Variants in TBC1D19 observed in about 807,000 individuals in gnomAD.
The protein encoded by TBC1D19 is TBC1 domain family member 19, also known as TBC1 domain family, member 19.
Under a neutral mutation model 89.0 loss-of-function variants are expected in TBC1D19, and 60 were observed. The observed-to-expected ratio is 0.67, with a 90% CI of 0.55 to 0.84. TBC1D19 has a LOEUF of 0.84. Ranked by LOEUF, TBC1D19 falls within the 40% of genes least tolerant of loss-of-function variation. The pLI is 0.00. For synonymous variants in TBC1D19, 189 were observed against 199.7 expected, an observed-to-expected ratio of 0.95 and a Z score of 0.45; for missense variants, 500 against 610.8, an observed-to-expected ratio of 0.82 and a Z score of 1.91.
In TBC1D19 at chr4:26,658,452, G is replaced by A. The variant is rs541950909; in HGVS notation, c.481-1145G>A. Among the ~76,000 whole-genome samples the A allele has an allele frequency of 2.6e-5, 4 of 152,212 alleles. No homozygotes were observed. In the South Asian group the frequency reaches 8.3e-4, roughly 32 times the overall value. ...TTCTGTTCCATTGGCCTATATATCT[G>A]TTTTTATACCAGTACCAGTCTGTTT... On this transcript the variant is annotated intron_variant, in intron 7 of 20. Coordinates refer to ENST00000264866, the MANE Select transcript of TBC1D19 (RefSeq NM_018317.4).
At chr4:26,725,419 T>A (rs1445389138) in intron 15 of TBC1D19, among the ~76,000 whole-genome samples, 1 of 152,096 alleles carries the variant, frequency 6.6e-6, no homozygotes, top group African/African-American at 2.4e-5. Context: ...TTTTTCTTTT[T>A]TTCTCCCCCC....
intron 1 of TBC1D19, among the ~76,000 whole-genome samples, chr4:26,599,662 C>T (rs1185579358): frequency 1.3e-5 from 2 of 152,006 alleles, no homozygotes; most frequent in Non-Finnish European, 2.9e-5. Context: ...ATTGAATTTG[C>T]TGGCCAAGTG....
chr4:26,690,393 A>G (rs1714169997), intron 13 of TBC1D19, among the ~76,000 whole-genome samples: 2 of 152,222 alleles, frequency 1.3e-5, no homozygotes, highest in Admixed American at 1.3e-4. Flanking sequence ...CAGATTTTTC[A>G]GTGTAGATGA....
the TBC1D19 span, among the ~76,000 whole-genome samples, chr4:26,820,267 T>A: frequency 6.6e-6 from 1 of 152,096 alleles, no homozygotes; most frequent in African/African-American, 2.4e-5. Context: ...CACTAAAACT[T>A]ATTCTTGCAG....
chr4:26,748,082 A>G (rs1435692310), intron 18 of TBC1D19, among the ~76,000 whole-genome samples: 1 of 152,208 alleles, frequency 6.6e-6, no homozygotes, highest in Admixed American at 6.5e-5. Context: ...TGGAATTGTT[A>G]AGACTGTCAG....
chr4:26,787,955 A>G, the TBC1D19 span, among the ~76,000 whole-genome samples: 3 of 152,304 alleles, frequency 2.0e-5, no homozygotes, highest in Non-Finnish European at 2.9e-5. Context: ...CTGCCTACAG[A>G]AACTCTCGGC....
At chr4:26,637,493 C>T (rs934783586) in intron 5 of TBC1D19, among the ~76,000 whole-genome samples, 3 of 152,100 alleles carry the variant, frequency 2.0e-5, no homozygotes, top group African/African-American at 7.2e-5. Context: ...CTGCCTCAGC[C>T]TCCAAGTAGC....
intron 1 of TBC1D19, among the ~76,000 whole-genome samples, chr4:26,612,061 C>T (rs1429075550): frequency 6.6e-6 from 1 of 151,952 alleles, no homozygotes; most frequent in African/African-American, 2.4e-5. Flanking sequence ...TTCACTACAT[C>T]AGATAGTCAG....
At chr4:26,844,146 A>T in the TBC1D19 span, among the ~76,000 whole-genome samples, 1 of 152,188 alleles carries the variant, frequency 6.6e-6, no homozygotes. Context: ...TCTTGATTCC[A>T]TTATTTCAGG....
At chr4:26,693,765 A>C (rs1301848503) in intron 13 of TBC1D19, among the ~76,000 whole-genome samples, 2 of 152,190 alleles carry the variant, frequency 1.3e-5, no homozygotes, top group African/African-American at 2.4e-5. Flanking sequence ...AAAGAGATAG[A>C]AATTACATTT....
At chr4:26,832,201 C>A in the TBC1D19 span, among the ~76,000 whole-genome samples, 1 of 152,330 alleles carries the variant, frequency 6.6e-6, no homozygotes, top group Non-Finnish European at 1.5e-5. Context: ...TTTCATGCAA[C>A]TCAAGGAAAT....
At chr4:26,661,459 AT>A (rs1745217849) in intron 8 of TBC1D19, among the ~76,000 whole-genome samples, 1 of 152,144 alleles carries the variant, frequency 6.6e-6, no homozygotes, top group Non-Finnish European at 1.5e-5. Context: ...ACTGCATTCT[AT>A]GCCTGACCCT....
intron 13 of TBC1D19, among the ~76,000 whole-genome samples, chr4:26,695,882 C>T (rs966246111): frequency 3.9e-5 from 6 of 152,208 alleles, no homozygotes; most frequent in South Asian, 2.1e-4. Flanking sequence ...AAGGAACAAG[C>T]GGTACCAGCC....
chr4:26,660,117 G>A (rs1466009414), intron 8 of TBC1D19, among the ~76,000 whole-genome samples: 3 of 152,128 alleles, frequency 2.0e-5, no homozygotes, highest in Non-Finnish European at 4.4e-5. Context: ...GGGAGATGGA[G>A]AACATAAGAA....
the TBC1D19 span, among the ~76,000 whole-genome samples, chr4:26,783,907 A>G: frequency 6.6e-6 from 1 of 152,128 alleles, no homozygotes; most frequent in African/African-American, 2.4e-5. Context: ...GGAGCATCCA[A>G]GTATGTTCTC....
chr4:26,753,867 G>A lies in TBC1D19; in HGVS notation c.1483G>A (p.Val495Met), dbSNP rs200018663. 5.0e-6 allele frequency: 8 copies of A among 1,613,848 alleles called. No homozygotes were observed. The highest frequency in any genetic ancestry group is 6.8e-6 in the Non-Finnish European group (8 of 1,179,896). ...FAFRAVNLME[V>M]TSLAAAEAVL... ...TTTCCGAGCAGTGAACCTGATGGAG[G>A]TGACATCACTGGCTGCAGCTGAAGT... The change falls in exon 20 of 21, where the codon GTG becomes ATG. Residue 495 changes from valine to methionine, a missense_variant. Val to Met is a conservative substitution (Grantham distance 21, BLOSUM62 1). Coordinates refer to ENST00000264866, the MANE Select transcript of TBC1D19 (RefSeq NM_018317.4).
intron 15 of TBC1D19, among the ~76,000 whole-genome samples, chr4:26,726,298 C>G (rs1016035451): frequency 1.3e-5 from 2 of 151,978 alleles, no homozygotes; most frequent in Admixed American, 1.3e-4. Flanking sequence ...AGATAAGGCT[C>G]TTAGAAGAAA....
At chr4:26,824,641 ATTCC>A in the TBC1D19 span, among the ~76,000 whole-genome samples, 1 of 151,092 alleles carries the variant, frequency 6.6e-6, no homozygotes. Flanking sequence ...AATTTAGTTA[ATTCC>A]TTCTTTTTAA....
chr4:26,799,838 G>A, the TBC1D19 span, among the ~76,000 whole-genome samples: 7 of 152,064 alleles, frequency 4.6e-5, no homozygotes, highest in African/African-American at 1.5e-4. Context: ...GAGCCCAACC[G>A]GAATAAGATG....
Sources: allele counts gnomAD v4.1 joint callset (sites outside exome capture counted in the v4.1 genomes callset), GRCh38; gene constraint gnomAD v4.1.1; transcripts MANE v1.5; gene names NCBI Gene and HGNC (gene_info 2026-07-23, HGNC 2026-07-21).